Variants in ZNF548 observed in about 807,000 individuals in gnomAD.
ZNF548 encodes the protein zinc finger protein 548.
Under a neutral mutation model 10.2 loss-of-function variants are expected in ZNF548, and 10 were observed. That is an observed-to-expected ratio of 0.98 (90% CI 0.60 to 1.66). The LOEUF is 1.66. ZNF548 is among the 40% of genes most tolerant of loss of function. The probability of loss-of-function intolerance (pLI) is 0.00; values close to 1 mark genes in which losing one functional copy is unlikely to be tolerated. For missense variants in ZNF548, 599 were observed against 657.0 expected, an observed-to-expected ratio of 0.91 and a Z score of 0.97; for synonymous variants, 217 against 223.5, an observed-to-expected ratio of 0.97 and a Z score of 0.26.
rs935830372 is a variant in ZNF548, at chr19:57,401,750, T to C, written c.*1861T>C. 4.6e-5 allele frequency: 7 copies of C among 151,880 alleles called. No homozygotes were observed. In the East Asian group the frequency reaches 1.2e-3, roughly 25 times the overall value. The allele number at this position is 151,880 out of a possible 1,614,324, so 9.4% of individuals were successfully genotyped here. A position where few individuals can be genotyped will look rare whatever the true frequency, so the allele number is the denominator to read the frequency against. On this transcript the variant is annotated 3_prime_UTR_variant, in exon 4 of 4. Transcript: ENST00000336128. ...TACATTTAGGTCTTTTTTTTTTTTTTCTTTTGGAGGCAGAGTCTTGCTCTG... is the reference window on the plus strand; with the variant it reads ...TACATTTAGGTCTTTTTTTTTTTTTCCTTTTGGAGGCAGAGTCTTGCTCTG...
At position 57,390,091 on chromosome 19, in the gene ZNF548, G is replaced by C; in HGVS notation, c.-9G>C. On this transcript the variant is annotated 5_prime_UTR_variant, in exon 1 of 4. Transcript: ENST00000336128. Reference sequence around the variant, plus strand: ...CTCTTCCCTGGCTGGGCTGGCGGAGGCCTTGCTGATGAACCTGACTGAGGT... The same window carrying C: ...CTCTTCCCTGGCTGGGCTGGCGGAGCCCTTGCTGATGAACCTGACTGAGGT... The C allele has an allele frequency of 1.2e-6, 2 of 1,609,012 alleles. No individual in the cohort carries two copies. The highest frequency in any genetic ancestry group is 1.7e-6 in the Non-Finnish European group (2 of 1,179,426).
chr19:57,397,251 C>A, intron 3 of ZNF548, 77 bp downstream of exon 3: 1 of 1,477,282 alleles, frequency 6.8e-7, no homozygotes, highest in South Asian at 1.5e-5. Flanking sequence ...CTCTGCGTTT[C>A]CCACAGTGAG....
At chr19:57,394,654 C>G (rs1433522961) in intron 2 of ZNF548, among the ~76,000 whole-genome samples, 1 of 151,992 alleles carries the variant, frequency 6.6e-6, no homozygotes, top group African/African-American at 2.4e-5. Flanking sequence ...AGTGATAGGA[C>G]CCCAGTTTAA....
In ZNF548 at chr19:57,393,700, A is replaced by AG. The variant is rs1216690433; in HGVS notation, c.16-486dup. Among the ~76,000 whole-genome samples the AG allele has an allele frequency of 1.6e-4, 12 of 76,946 alleles. No individual in the cohort carries two copies. The East Asian group carries it at 5.8e-3, about 37-fold the overall frequency. The allele number at this position is 76,946 out of a possible 152,430, so 50.5% of individuals were successfully genotyped here. ...GAGAGGGGAGGGGAGGGGAGGGCAG[A>AG]GGAGGGGAGGGGGGAGGGCAGGGGA... On this transcript the variant is annotated intron_variant, in intron 1 of 3. Transcript: ENST00000336128.
At position 57,402,723 on chromosome 19, in the gene ZNF548, C is replaced by G. The variant is rs906759800; in HGVS notation, c.*2834C>G. 1 of 152,166 alleles carries G rather than the reference C, an allele frequency of 6.6e-6. No individual in the cohort carries two copies. Among genetic ancestry groups the G allele is most frequent in the African/African-American group, 2.4e-5 (1 of 41,424 alleles). 9.4% of individuals were successfully genotyped at this position (152,166 alleles called of 1,614,324 possible). On this transcript the variant is annotated 3_prime_UTR_variant, in exon 4 of 4. Transcript: ENST00000336128. ...ATCTTTCCTTGTTAACATGATAACT[C>G]AGTAGAGCAATGCTTTGGAGATTAG... is the stretch of plus-strand genomic sequence containing the variant.
intron 1 of ZNF548, among the ~76,000 whole-genome samples, chr19:57,392,202 ATG>A (rs2088632200): frequency 6.6e-6 from 1 of 152,178 alleles, no homozygotes; most frequent in Admixed American, 6.5e-5. Context: ...ACCCTGTCAG[ATG>A]CATAGTTTGC....
Position 57,398,544 on chromosome 19 carries a change from G to T in ZNF548, c.293G>T (p.Ser98Ile). ...CTGTCCAGCCAGAAGGTCCACCCTA[G>T]TGAGACATGTGGCCCACCCTTGAAA... ...PCLSSQKVHP[S>I]ETCGPPLKDI... Residue 98 changes from serine (S) to isoleucine (I), a missense_variant, in exon 4 of 4, where the codon AGT (serine) becomes ATT (isoleucine). Coordinates refer to ENST00000336128, the MANE Select transcript of ZNF548 (RefSeq NM_001172773.2). The T allele has an allele frequency of 6.2e-7, 1 of 1,614,086 alleles. No homozygotes were observed. The highest frequency in any genetic ancestry group is 1.1e-5 in the South Asian group (1 of 91,086).
In ZNF548 at chr19:57,395,987, G is replaced by A. The variant is rs1888423138; in HGVS notation, c.52-1061G>A. 6.6e-6 allele frequency among the ~76,000 whole-genome samples: 1 copy of A among 152,000 alleles called. No homozygotes were observed. Among genetic ancestry groups the A allele is most frequent in the African/African-American group, 2.4e-5 (1 of 41,344 alleles). On this transcript the variant is annotated intron_variant, in intron 2 of 3. Coordinates refer to ENST00000336128, the MANE Select transcript of ZNF548 (RefSeq NM_001172773.2). The surrounding 1 kb of genome is among the most constrained non-coding windows in gnomAD (Gnocchi z 4.8). ...GCCCCCGGTGCTAGGGGACTTTGGT[G>A]TTCTGGGGCAGGACTGGGAATGAAT...
rs937519969 is a variant in ZNF548, at chr19:57,400,176, C to T, written c.*287C>T. On this transcript the variant is annotated 3_prime_UTR_variant, in exon 4 of 4. Transcript: ENST00000336128. ...CTTATTTCACTTAGGATAAGGTCTT[C>T]ACGGTTCACCCATGTTGTATAATGT... 3.5e-5 allele frequency: 11 copies of T among 314,490 alleles called. No individual in the cohort carries two copies. The highest frequency in any genetic ancestry group is 9.4e-4 in the Middle Eastern group (1 of 1,068). 19.5% of individuals were successfully genotyped at this position (314,490 alleles called of 1,614,324 possible).
chr19:57,391,146 G>T (rs1186746018), intron 1 of ZNF548, among the ~76,000 whole-genome samples: 2 of 151,644 alleles, frequency 1.3e-5, no homozygotes, highest in Non-Finnish European at 2.9e-5. Context: ...TCCAATGTTT[G>T]TCATTCCACA....
In ZNF548 at chr19:57,395,533, C is replaced by T. The variant is rs537728521; in HGVS notation, c.51+1310C>T. Among the ~76,000 whole-genome samples, 8 of 151,968 alleles carry T rather than the reference C, an allele frequency of 5.3e-5. No homozygotes were observed. In the South Asian group the frequency reaches 8.3e-4, roughly 16 times the overall value. ...ATCCTGGCGGAAGGTGAAGGGGAAG[C>T]GAGGCACATCTTCCCATGATGGAGC... On this transcript the variant is annotated intron_variant, in intron 2 of 3. Coordinates refer to ENST00000336128, the MANE Select transcript of ZNF548 (RefSeq NM_001172773.2). This position sits in a 1 kb window ranked among gnomAD's most constrained non-coding sequence, Gnocchi z 4.8.
At chr19:57,397,833 A>G (rs2088678291) in intron 3 of ZNF548, among the ~76,000 whole-genome samples, 1 of 152,130 alleles carries the variant, frequency 6.6e-6, no homozygotes, top group African/African-American at 2.4e-5. Context: ...CACCCTGGGA[A>G]CCTGTCCTGT....
rs1326809723 is a variant in ZNF548, at chr19:57,395,945, A to G, written c.52-1103A>G. 2.6e-5 allele frequency among the ~76,000 whole-genome samples: 4 copies of G among 151,358 alleles called. No individual in the cohort carries two copies. Among genetic ancestry groups the G allele is most frequent in the Non-Finnish European group, 5.9e-5 (4 of 67,806 alleles). ...AACAGGGCCGTGTAGGGAACCTTCA[A>G]CCCAGGGCTTAGGGCTGCCCCCGGT... On this transcript the variant is annotated intron_variant, in intron 2 of 3. Coordinates refer to ENST00000336128, the MANE Select transcript of ZNF548 (RefSeq NM_001172773.2). The surrounding 1 kb of genome is among the most constrained non-coding windows in gnomAD (Gnocchi z 4.8).
rs781185171 is a variant in ZNF548 at position 57,401,666 on chromosome 19, A to C, written c.*1777A>C. On this transcript the variant is annotated 3_prime_UTR_variant, in exon 4 of 4. Transcript: ENST00000336128. Reference sequence around the variant, plus strand: ...TATATATTAAAAAAAATTAGTATCAAATCCAATGCCAAGCATTTTCCCTAT... The same window carrying C: ...TATATATTAAAAAAAATTAGTATCACATCCAATGCCAAGCATTTTCCCTAT... The C allele has an allele frequency of 4.6e-5, 7 of 152,054 alleles. No homozygotes were observed. Among genetic ancestry groups the C allele is most frequent in the Non-Finnish European group, 1.0e-4 (7 of 68,014 alleles). The allele number at this position is 152,054 out of a possible 1,614,324, so 9.4% of individuals were successfully genotyped here.
rs566614336 is a variant in ZNF548, at chr19:57,399,743, T to G, written c.1492T>G (p.Phe498Val). Reference protein sequence around the residue: ...PYECSECQKAFIRKSHLVHHQ... With the variant: ...PYECSECQKAVIRKSHLVHHQ... ...TGAGTGCAGCGAATGCCAGAAGGCC[T>G]TTATTAGAAAGTCTCACCTGGTTCA... Residue 498 changes from phenylalanine to valine, a missense_variant, in exon 4 of 4, where the codon TTT becomes GTT. Transcript: ENST00000336128. This position sits in a 1 kb window ranked among gnomAD's most constrained non-coding sequence, Gnocchi z 4.0. 1 of 1,614,200 alleles carries G rather than the reference T, an allele frequency of 6.2e-7. No individual in the cohort carries two copies. Among genetic ancestry groups the G allele is most frequent in the Non-Finnish European group, 8.5e-7 (1 of 1,180,028 alleles).
rs2088698120 is a variant in ZNF548 at position 57,399,615 on chromosome 19, A to G, written c.1364A>G (p.His455Arg). 1.2e-6 allele frequency: 2 copies of G among 1,614,198 alleles called. No homozygotes were observed. Among genetic ancestry groups the G allele is most frequent in the African/African-American group, 1.3e-5 (1 of 75,060 alleles). Residue 455 changes from histidine to arginine, a missense_variant, in exon 4 of 4, where the codon CAC (histidine) becomes CGC (arginine). His to Arg is a conservative substitution (Grantham distance 29). Transcript: ENST00000336128. This position sits in a 1 kb window ranked among gnomAD's most constrained non-coding sequence, Gnocchi z 4.0. ...AACCTCATTAAACATTGGAGAAATC[A>G]CACTGGAGAAAGGCCTTACGAGTGC... ...NSNLIKHWRN[H>R]TGERPYECRE... is the part of the protein sequence containing the mutation.
At chr19:57,396,945 C>T in intron 2 of ZNF548, 103 bp from the exon 3 acceptor site, 1 of 1,471,614 alleles carries the variant, frequency 6.8e-7, no homozygotes, top group Non-Finnish European at 9.1e-7. Flanking sequence ...GTTAGTTTGG[C>T]CCTGTGTTTA....
intron 1 of ZNF548, chr19:57,393,899 GA>G (rs1568531296): frequency 2.1e-6 from 1 of 473,356 alleles, no homozygotes. Flanking sequence ...ATTAATCTTG[GA>G]CCATAGCCGC....
intron 1 of ZNF548, 102 bp downstream of exon 1, chr19:57,390,216 G>T: frequency 7.2e-7 from 1 of 1,381,640 alleles, no homozygotes; most frequent in East Asian, 2.4e-5. Context: ...GAAGAGAGGG[G>T]CGTTCCTGTG....
Sources: gnomAD v4.1 joint callset for allele counts (sites outside exome capture counted in the v4.1 genomes callset) on GRCh38, gnomAD v4.1.1 for gene constraint, Gnocchi (gnomAD v3.1) non-coding constraint, MANE v1.5 for transcripts, NCBI Gene and HGNC (gene_info 2026-07-23, HGNC 2026-07-21) for gene names.